WDR7: variants seen among roughly 807,000 people sequenced by gnomAD.
WDR7 encodes the protein WD repeat domain 7.
Under a neutral mutation model 169.4 loss-of-function variants are expected in WDR7, and 46 were observed. The ratio of observed to expected loss-of-function variants is 0.27; its 90% CI spans 0.21 to 0.35. WDR7 has a LOEUF of 0.35. WDR7 is among the 10% of genes least tolerant of loss of function. The pLI, the probability that WDR7 is intolerant of heterozygous loss-of-function variation, is 1.00. For synonymous variants in WDR7, 612 were observed against 666.8 expected (o/e 0.92, Z 1.27); for missense variants, 1,534 against 1,859.3 (o/e 0.83, Z 3.22).
intron 21 of WDR7, among the ~76,000 whole-genome samples, chr18:56,894,451 T>C (rs564192745): frequency 2.6e-5 from 4 of 152,166 alleles, no homozygotes; most frequent in Admixed American, 2.0e-4. Context: ...TTCCCCCAGA[T>C]ACCTGCTTGG....
In WDR7 at chr18:56,947,388, A is replaced by G. The variant is rs372207685; in HGVS notation, c.4064+7995A>G. Among the ~76,000 whole-genome samples, 269 of 152,266 alleles carry G rather than the reference A, an allele frequency of 1.8e-3. 1 individual carries two copies. Among genetic ancestry groups the G allele is most frequent in the African/African-American group, 6.2e-3 (257 of 41,550 alleles). On this transcript the variant is annotated intron_variant, in intron 25 of 27. Coordinates refer to ENST00000254442, the MANE Select transcript of WDR7 (RefSeq NM_015285.3). Reference sequence around the variant, plus strand: ...GCATCATCTAGCACTCTAGATAATTATTGTTAGAGGGTTCTGAGTAATTTA... The same window carrying G: ...GCATCATCTAGCACTCTAGATAATTGTTGTTAGAGGGTTCTGAGTAATTTA...
intron 26 of WDR7, among the ~76,000 whole-genome samples, chr18:57,014,344 A>AG (rs1555726002): frequency 2.0e-5 from 3 of 149,892 alleles, no homozygotes; most frequent in African/African-American, 7.4e-5. Flanking sequence ...AAAAAAAAAA[A>AG]AAGAAGAAAA....
At position 56,757,343 on chromosome 18, in the gene WDR7, G is replaced by A. The variant is rs774455786; in HGVS notation, c.2750G>A (p.Gly917Asp). The change falls in exon 15 of 28, where the codon GGT (glycine) becomes GAT (aspartate). Residue 917 changes from glycine to aspartate, a missense_variant. Transcript: ENST00000254442. The part of the protein sequence containing the change: ...ATFIGDHMKK[G>D]PTRPPRPSTP... ...TTTATTGGTGATCATATGAAGAAGG[G>A]TCCTACCAGGTGTGACCATGATAGT... 5.0e-6 allele frequency: 8 copies of A among 1,604,142 alleles called. No individual in the cohort carries two copies. Among genetic ancestry groups the A allele is most frequent in the Non-Finnish European group, 6.8e-6 (8 of 1,172,990 alleles).
chr18:56,687,110 T>C, intron 7 of WDR7, 136 bp downstream of exon 7: 1 of 893,148 alleles, frequency 1.1e-6, no homozygotes, highest in Non-Finnish European at 1.6e-6. Flanking sequence ...GCTTTTGATA[T>C]CACATTTTGA....
At position 56,691,786 on chromosome 18, in the gene WDR7, A is replaced by G. The variant is rs2025576656; in HGVS notation, c.935A>G (p.Gln312Arg). Reference protein sequence around the residue: ...KAVENLIPPVQHILLDRKDKE... With the variant: ...KAVENLIPPVRHILLDRKDKE... Reference sequence around the variant, plus strand: ...GTTGAAAATTTAATTCCTCCTGTACAACATATCCTCTTGGATCGAAAAGAT... The same window carrying G: ...GTTGAAAATTTAATTCCTCCTGTACGACATATCCTCTTGGATCGAAAAGAT... Residue 312 changes from glutamine (Q) to arginine (R), a missense_variant, in exon 9 of 28, where the codon CAA becomes CGA. By Grantham distance (43) the Gln-to-Arg change is conservative (BLOSUM62 1). Coordinates refer to ENST00000254442, the MANE Select transcript of WDR7 (RefSeq NM_015285.3). The G allele has an allele frequency of 1.2e-6, 2 of 1,611,978 alleles. No individual in the cohort carries two copies. Among genetic ancestry groups the G allele is most frequent in the Non-Finnish European group, 1.7e-6 (2 of 1,179,434 alleles).
intron 1 of WDR7, among the ~76,000 whole-genome samples, chr18:56,665,768 G>T (rs999071865): frequency 6.6e-6 from 1 of 152,138 alleles, no homozygotes; most frequent in Non-Finnish European, 1.5e-5. Context: ...CACAGTTTGA[G>T]TTCCCTGGTG....
At chr18:56,673,461 T>C (rs1176272788) in intron 2 of WDR7, among the ~76,000 whole-genome samples, 2 of 152,190 alleles carry the variant, frequency 1.3e-5, no homozygotes, top group Non-Finnish European at 2.9e-5. Flanking sequence ...CTTAGTACGT[T>C]CATAAAGTTG....
chr18:56,682,539 T>C, intron 4 of WDR7, 140 bp from the exon 5 acceptor site: 1 of 870,410 alleles, frequency 1.1e-6, no homozygotes, highest in Non-Finnish European at 1.7e-6. Flanking sequence ...TATGTACCAT[T>C]TGGTAAATAT....
intron 26 of WDR7, among the ~76,000 whole-genome samples, chr18:57,003,653 A>AT (rs1358951629): frequency 6.6e-6 from 1 of 152,134 alleles, no homozygotes; most frequent in Non-Finnish European, 1.5e-5. Flanking sequence ...AAATGTAATG[A>AT]TTTGGATCAC....
At chr18:56,930,142 G>A (rs2046861373) in intron 22 of WDR7, among the ~76,000 whole-genome samples, 1 of 152,134 alleles carries the variant, frequency 6.6e-6, no homozygotes, top group African/African-American at 2.4e-5. Context: ...TGCTTTTCTG[G>A]GATCATCACA....
chr18:56,757,964 G>GT (rs1409154541), intron 15 of WDR7, among the ~76,000 whole-genome samples: 12 of 143,444 alleles, frequency 8.4e-5, no homozygotes, highest in Admixed American at 1.4e-4. Flanking sequence ...GTAAGACTCT[G>GT]TCTCAAAAAA....
chr18:56,783,683 A>C (rs2044353057), intron 19 of WDR7, among the ~76,000 whole-genome samples: 1 of 152,204 alleles, frequency 6.6e-6, no homozygotes, highest in African/African-American at 2.4e-5. Flanking sequence ...ACCTAAATGT[A>C]GATAGGGTAG....
intron 21 of WDR7, among the ~76,000 whole-genome samples, chr18:56,907,262 T>C (rs891492970): frequency 1.3e-5 from 2 of 152,172 alleles, no homozygotes; most frequent in African/African-American, 4.8e-5. Flanking sequence ...TCCACAAATA[T>C]TTTTTAGTGC....
At chr18:56,921,493 A>G (rs76584250) in intron 21 of WDR7, among the ~76,000 whole-genome samples, 2 of 152,300 alleles carry the variant, frequency 1.3e-5, no homozygotes, top group African/African-American at 4.8e-5. Flanking sequence ...TTTACTTATG[A>G]GATCGTTGAG....
At chr18:56,773,427 T>C (rs1176338932) in intron 16 of WDR7, among the ~76,000 whole-genome samples, 1 of 152,176 alleles carries the variant, frequency 6.6e-6, no homozygotes, top group Non-Finnish European at 1.5e-5. Flanking sequence ...GGTATAGCTT[T>C]TTGTAATCTT....
chr18:56,901,974 G>C (rs1221928455), intron 21 of WDR7, among the ~76,000 whole-genome samples: 1 of 152,144 alleles, frequency 6.6e-6, no homozygotes, highest in African/African-American at 2.4e-5. Context: ...CTATTGGCAA[G>C]TGGAGAATTC....
intron 21 of WDR7, among the ~76,000 whole-genome samples, chr18:56,913,484 A>G (rs1278637059): frequency 6.6e-6 from 1 of 152,058 alleles, no homozygotes; most frequent in Non-Finnish European, 1.5e-5. Context: ...TTAAAAAAAA[A>G]TGTTTTTAAT....
intron 20 of WDR7, among the ~76,000 whole-genome samples, chr18:56,840,555 T>C (rs184773159): frequency 6.2e-4 from 95 of 152,332 alleles, no homozygotes; most frequent in African/African-American, 2.3e-3. Flanking sequence ...ACACAGTGGC[T>C]CACTCCTGCA....
At chr18:56,828,724 G>A (rs970375311) in intron 20 of WDR7, among the ~76,000 whole-genome samples, 2 of 152,124 alleles carry the variant, frequency 1.3e-5, no homozygotes, top group African/African-American at 4.8e-5. Context: ...GTTTTTAAGA[G>A]GGTGTGTTCA....
Sources: allele counts gnomAD v4.1 joint callset (sites outside exome capture counted in the v4.1 genomes callset), GRCh38; gene constraint gnomAD v4.1.1; transcripts MANE v1.5; gene names NCBI Gene and HGNC (gene_info 2026-07-23, HGNC 2026-07-21).